DCUN1D2: variants seen among roughly 807,000 people sequenced by gnomAD.
DCUN1D2 encodes DCN1-like protein 2.
DCUN1D2 carries 29 observed loss-of-function variants against 30.9 expected under a neutral mutation model. The observed-to-expected ratio is 0.94, with a 90% confidence interval of 0.70 to 1.28. The LOEUF (loss-of-function observed/expected upper bound fraction) is 1.28. Among genes scored for constraint, DCUN1D2 ranks in the 50% most tolerant of loss-of-function variants. The pLI is 0.00. For synonymous variants in DCUN1D2, 121 were observed against 115.3 expected (o/e 1.05, Z -0.32); for missense variants, 325 against 316.9 (o/e 1.03, Z -0.19).
chr13:113,465,953 T>C (rs1357702608), intron 4 of DCUN1D2, among the ~76,000 whole-genome samples: 1 of 152,164 alleles, frequency 6.6e-6, no homozygotes, highest in Non-Finnish European at 1.5e-5. Flanking sequence ...TGATGTGATA[T>C]CAGCTGACTG....
chr13:113,464,174 T>C (rs2044364756), intron 4 of DCUN1D2, among the ~76,000 whole-genome samples: 1 of 152,250 alleles, frequency 6.6e-6, no homozygotes, highest in African/African-American at 2.4e-5. Flanking sequence ...CTCTCAGCTA[T>C]TGTCATGAAG....
chr13:113,471,979 C>CA (rs1566498769), intron 4 of DCUN1D2, among the ~76,000 whole-genome samples: 2 of 152,176 alleles, frequency 1.3e-5, no homozygotes. Flanking sequence ...GCCTGGAAAA[C>CA]AAAGGTAAGG....
chr13:113,479,647 C>G (rs974494481), intron 3 of DCUN1D2, among the ~76,000 whole-genome samples: 2 of 152,084 alleles, frequency 1.3e-5, no homozygotes, highest in African/African-American at 4.8e-5. Flanking sequence ...CGCTTGAACT[C>G]AGGAGACGGA....
At chr13:113,483,790 C>T (rs1182070913) in intron 2 of DCUN1D2, 50 bp downstream of exon 2, 16 of 1,576,076 alleles carry the variant, frequency 1.0e-5, no homozygotes, top group Non-Finnish European at 1.4e-5. Flanking sequence ...AGCGCGCAGG[C>T]CGCTCGCGGA....
At chr13:113,470,597 A>AGACCCAACTCCACAAGG (rs1464110877) in intron 4 of DCUN1D2, among the ~76,000 whole-genome samples, 9 of 144,020 alleles carry the variant, frequency 6.2e-5, no homozygotes, top group South Asian at 4.6e-4. Context: ...CAACTCCAGA[A>AGACCCAACTCCACAAGG]GACCCAACTC....
At chr13:113,467,842 G>A (rs905147377) in intron 4 of DCUN1D2, among the ~76,000 whole-genome samples, 1 of 151,864 alleles carries the variant, frequency 6.6e-6, no homozygotes, top group Admixed American at 6.6e-5. Context: ...TCAGGAGTTC[G>A]AGACCAGCCT....
chr13:113,490,776 C>A (rs932534491), upstream of DCUN1D2: 1 of 1,066,752 alleles, frequency 9.4e-7, no homozygotes, highest in Non-Finnish European at 1.2e-6. The surrounding 1 kb of genome is among the most constrained non-coding windows in gnomAD (Gnocchi z 5.2). Context: ...CGGGGCAGTG[C>A]CGGGAGCCGG....
rs538296036 is a variant in DCUN1D2, at chr13:113,473,591, T to C, written c.520+533A>G. 2.6e-5 allele frequency among the ~76,000 whole-genome samples: 4 copies of C among 152,352 alleles called. 1 individual carries two copies. The highest frequency in any genetic ancestry group is 6.8e-3 in the Middle Eastern group (2 of 294). On this transcript the variant is annotated intron_variant, in intron 4 of 6. Coordinates refer to ENST00000478244, the MANE Select transcript of DCUN1D2 (RefSeq NM_001014283.2). ...TAGTTTACATTTTAAAATTTAAATATGTAAACCCAGAAGTTGAGAGACGCT... is the reference window on the plus strand; with the variant it reads ...TAGTTTACATTTTAAAATTTAAATACGTAAACCCAGAAGTTGAGAGACGCT...
chr13:113,479,468 T>C lies in DCUN1D2; in HGVS notation c.389+1107A>G, dbSNP rs2044670369. Among the ~76,000 whole-genome samples, 6 of 152,164 alleles carry C rather than the reference T, an allele frequency of 3.9e-5. No individual in the cohort carries two copies. The South Asian group carries it at 1.2e-3, about 32-fold the overall frequency. On this transcript the variant is annotated intron_variant, in intron 3 of 6. Coordinates refer to ENST00000478244, the MANE Select transcript of DCUN1D2 (RefSeq NM_001014283.2). ...TGAACAGGTGATATTTAAAAATCCA[T>C]CTGGGCCAGGCACGGTGGCTCCCGC...
At chr13:113,477,467 T>C (rs892025578) in intron 3 of DCUN1D2, among the ~76,000 whole-genome samples, 20 of 152,360 alleles carry the variant, frequency 1.3e-4, no homozygotes, top group Admixed American at 5.2e-4. Context: ...AGGTTTTTAC[T>C]TGCAGGCCTT....
chr13:113,485,380 T>C (rs1051632749), intron 1 of DCUN1D2, among the ~76,000 whole-genome samples: 1 of 152,126 alleles, frequency 6.6e-6, no homozygotes, highest in African/African-American at 2.4e-5. Flanking sequence ...AGGGGTGCCA[T>C]TAGTACAAGG....
chr13:113,486,781 A>T (rs1361620795), intron 1 of DCUN1D2, among the ~76,000 whole-genome samples: 3 of 152,182 alleles, frequency 2.0e-5, no homozygotes, highest in Non-Finnish European at 2.9e-5. Context: ...GGAAGGTAGA[A>T]CTCAGATTAA....
In DCUN1D2 at chr13:113,457,418, T is replaced by C. The variant is rs981307145; in HGVS notation, c.*611A>G. ...AAAGCTACATGGGGATTGAGAACCA[T>C]AAAATGATTTTCAGATGAATGTCTA... On this transcript the variant is annotated 3_prime_UTR_variant, in exon 7 of 7. Transcript: ENST00000478244. 7 of 152,136 alleles carry C rather than the reference T, an allele frequency of 4.6e-5. No individual in the cohort carries two copies. Among genetic ancestry groups the C allele is most frequent in the African/African-American group, 1.7e-4 (7 of 41,432 alleles). 9.4% of individuals were successfully genotyped at this position (152,136 alleles called of 1,614,324 possible). A position where few individuals can be genotyped will look rare whatever the true frequency, so the allele number is the denominator to read the frequency against.
At chr13:113,464,844 T>A (rs2044375869) in intron 4 of DCUN1D2, among the ~76,000 whole-genome samples, 1 of 152,216 alleles carries the variant, frequency 6.6e-6, no homozygotes, top group African/African-American at 2.4e-5. Context: ...TGCTGCGCAG[T>A]CATTACTAAC....
intron 4 of DCUN1D2, among the ~76,000 whole-genome samples, chr13:113,467,600 G>T (rs1010779121): frequency 1.3e-5 from 2 of 152,004 alleles, no homozygotes; most frequent in African/African-American, 2.4e-5. Context: ...TCAGAAAACA[G>T]CAATTGTTGT....
chr13:113,490,255 T>C lies in DCUN1D2; in HGVS notation c.3+412A>G, dbSNP rs2044923815. Among the ~76,000 whole-genome samples the C allele has an allele frequency of 6.6e-6, 1 of 152,148 alleles. No individual in the cohort carries two copies. Among genetic ancestry groups the C allele is most frequent in the Non-Finnish European group, 1.5e-5 (1 of 68,002 alleles). ...CTTCTCGCGGATTCCTTCCTTGCGC[T>C]GTTTTGGTCAACAGCCTCAGCATCT... On this transcript the variant is annotated intron_variant, in intron 1 of 6. Coordinates refer to ENST00000478244, the MANE Select transcript of DCUN1D2 (RefSeq NM_001014283.2). The surrounding 1 kb of genome is among the most constrained non-coding windows in gnomAD (Gnocchi z 5.2).
chr13:113,470,805 A>C (rs1227566677), intron 4 of DCUN1D2, among the ~76,000 whole-genome samples: 36 of 121,114 alleles, frequency 3.0e-4, no homozygotes, highest in Non-Finnish European at 3.5e-4. Flanking sequence ...CACAGAAGAC[A>C]CAACTCCACA....
At chr13:113,469,516 CAA>C (rs137962117) in intron 4 of DCUN1D2, among the ~76,000 whole-genome samples, 2,870 of 152,026 alleles carry the variant, frequency 0.019, 83 homozygotes, top group East Asian at 0.085. Context: ...TCCGTCCCTC[CAA>C]AAAAAGTTTA....
At chr13:113,487,457 A>G (rs1404365811) in intron 1 of DCUN1D2, among the ~76,000 whole-genome samples, 1 of 152,264 alleles carries the variant, frequency 6.6e-6, no homozygotes, top group Non-Finnish European at 1.5e-5. Context: ...ACCAGGCACA[A>G]GAAGCCACAC....
Sources: allele counts gnomAD v4.1 joint callset (sites outside exome capture counted in the v4.1 genomes callset), GRCh38; gene constraint gnomAD v4.1.1; non-coding constraint Gnocchi (gnomAD v3.1); transcripts MANE v1.5; gene names NCBI Gene and HGNC (gene_info 2026-07-23, HGNC 2026-07-21).